Variants in SNURF observed in about 807,000 individuals in gnomAD.
SNURF encodes the protein SNRPN upstream open reading frame.
A neutral mutation model predicts 11.6 loss-of-function variants in SNURF; 6 were observed. That is an observed-to-expected ratio of 0.52 (90% CI 0.28 to 1.02). SNURF has a LOEUF of 1.02. Among genes scored for constraint, SNURF ranks in the 50% least tolerant of loss-of-function variants. SNURF has a pLI of 0.09. For missense variants in SNURF, 84 were observed against 88.4 expected, an observed-to-expected ratio of 0.95 and a Z score of 0.20; for synonymous variants, 29 against 31.6, an observed-to-expected ratio of 0.92 and a Z score of 0.27.
intron 2 of SNURF, among the ~76,000 whole-genome samples, chr15:24,962,410 T>G (rs752589572): frequency 6.6e-6 from 1 of 152,236 alleles, no homozygotes; most frequent in Non-Finnish European, 1.5e-5. Flanking sequence ...TTTAGTATAA[T>G]TTTCTTTTTT....
At chr15:24,963,582 T>A (rs748555436) in intron 2 of SNURF, among the ~76,000 whole-genome samples, 8 of 150,424 alleles carry the variant, frequency 5.3e-5, no homozygotes, top group Non-Finnish European at 8.8e-5. Flanking sequence ...ACCACTGCAC[T>A]CTAGCCTGGG....
At position 24,976,331 on chromosome 15, in the gene SNURF, G is replaced by A. The variant is rs761495657; in HGVS notation, c.*224G>A. The A allele has an allele frequency of 5.0e-6, 8 of 1,613,574 alleles. No homozygotes were observed. The highest frequency in any genetic ancestry group is 2.2e-5 in the South Asian group (2 of 90,862). The stretch of plus-strand genomic sequence containing the variant: ...CCAAAGAATGCGAAGCAACCAGAGC[G>A]TGAAGAAAAGCGGGTTTTGGGTCTG... On this transcript the variant is annotated 3_prime_UTR_variant and NMD_transcript_variant, in exon 5 of 7. Transcript: ENST00000580062.
At chr15:24,959,333 T>G (rs1334781362) in intron 1 of SNURF, among the ~76,000 whole-genome samples, 1 of 152,152 alleles carries the variant, frequency 6.6e-6, no homozygotes, top group East Asian at 1.9e-4. Flanking sequence ...AGATTAAAAA[T>G]AAGTAGATTT....
At chr15:24,971,768 A>G (rs750415885), downstream of SNURF, among the ~76,000 whole-genome samples, 1 of 152,200 alleles carries the variant, frequency 6.6e-6, no homozygotes, top group Non-Finnish European at 1.5e-5. Context: ...TAGTGCTGAT[A>G]AACATAAAAT....
chr15:24,977,677 A>C, intron 6 of SNURF: 1 of 1,151,542 alleles, frequency 8.7e-7, no homozygotes, highest in Non-Finnish European at 1.2e-6. Context: ...ACATTGCAAC[A>C]GTTGTTTGTA....
intron 2 of SNURF, among the ~76,000 whole-genome samples, chr15:24,963,627 A>G (rs1285118639): frequency 6.6e-6 from 1 of 152,088 alleles, no homozygotes; most frequent in African/African-American, 2.4e-5. Context: ...GAAAAAAAAA[A>G]AAAGAAAATG....
intron 1 of SNURF, among the ~76,000 whole-genome samples, chr15:24,961,418 AT>A (rs1486738877): frequency 1.3e-5 from 2 of 152,084 alleles, no homozygotes; most frequent in African/African-American, 2.4e-5. Flanking sequence ...GACCTTTCTG[AT>A]TTATCATCTT....
At chr15:24,975,194 A>G (rs1026073090) in intron 3 of SNURF, among the ~76,000 whole-genome samples, 1 of 152,194 alleles carries the variant, frequency 6.6e-6, no homozygotes, top group South Asian at 2.1e-4. Context: ...TGGTCCTCCA[A>G]AGAGCCATAC....
intron 2 of SNURF, among the ~76,000 whole-genome samples, chr15:24,966,286 T>G (rs921145615): frequency 8.7e-6 from 1 of 115,462 alleles, no homozygotes; most frequent in African/African-American, 5.5e-5. Flanking sequence ...ACTTACTAGT[T>G]TTTTTTATAA....
downstream of SNURF, among the ~76,000 whole-genome samples, chr15:24,972,205 G>A (rs1304381869): frequency 2.7e-5 from 4 of 148,074 alleles, no homozygotes; most frequent in Middle Eastern, 3.5e-3. Flanking sequence ...GCAGTGAGCC[G>A]AGATCACTCC....
At chr15:24,956,675 T>A (rs1368565460) in intron 1 of SNURF, among the ~76,000 whole-genome samples, 2 of 152,150 alleles carry the variant, frequency 1.3e-5, no homozygotes, top group East Asian at 3.9e-4. Flanking sequence ...ACAGCAGCTG[T>A]TCCTTTCCGG....
At chr15:24,968,609 A>G (rs2153590170), downstream of SNURF, among the ~76,000 whole-genome samples, 1 of 152,302 alleles carries the variant, frequency 6.6e-6, no homozygotes, top group African/African-American at 2.4e-5. Context: ...GTTACAACAT[A>G]CTTTCACAGC....
chr15:24,971,318 T>A (rs1311587294), downstream of SNURF, among the ~76,000 whole-genome samples: 2 of 152,188 alleles, frequency 1.3e-5, no homozygotes. Flanking sequence ...TTTGTTTTCT[T>A]GTGCTGTAAA....
intron 3 of SNURF, chr15:24,974,808 C>T (rs1323151806): frequency 1.5e-6 from 1 of 650,798 alleles, no homozygotes; most frequent in African/African-American, 1.8e-5. Flanking sequence ...ATCCACCCAC[C>T]TCGGCCTCCC....
intron 6 of SNURF, chr15:24,977,135 T>G: frequency 1.1e-6 from 1 of 907,374 alleles, no homozygotes; most frequent in Non-Finnish European, 1.6e-6. Context: ...GTAAACAGCA[T>G]ATGGTTTAGG....
chr15:24,956,473 A>C (rs1019005055), intron 1 of SNURF, among the ~76,000 whole-genome samples: 2 of 151,930 alleles, frequency 1.3e-5, no homozygotes, highest in African/African-American at 4.8e-5. Flanking sequence ...AGTGGTAAGG[A>C]GAGGAAGCCG....
chr15:24,975,595 A>G (rs1347075838), intron 4 of SNURF: 3 of 1,129,800 alleles, frequency 2.7e-6, no homozygotes, highest in Admixed American at 1.8e-5. Context: ...TTCCGAGGGT[A>G]ACTGAAGTAG....
chr15:24,966,605 A>G, intron 2 of SNURF, among the ~76,000 whole-genome samples: 1 of 152,116 alleles, frequency 6.6e-6, no homozygotes, highest in Non-Finnish European at 1.5e-5. Flanking sequence ...TCTCATTACC[A>G]AGAACTCAGG....
At chr15:24,955,178 A>G (rs1399940145) in intron 1 of SNURF, 116 bp downstream of exon 1, 4 of 1,403,378 alleles carry the variant, frequency 2.9e-6, no homozygotes, top group East Asian at 2.4e-5. Context: ...TTTGGGCCCT[A>G]AAGTCCTTTG....
Sources: allele counts gnomAD v4.1 joint callset (sites outside exome capture counted in the v4.1 genomes callset), GRCh38; gene constraint gnomAD v4.1.1; transcripts MANE v1.5; gene names NCBI Gene and HGNC (gene_info 2026-07-23, HGNC 2026-07-21).